FAT4: variants seen among roughly 807,000 people sequenced by gnomAD.
FAT4 encodes the protein protocadherin Fat 4.
In FAT4, 84 loss-of-function variants were observed where a neutral mutation model predicts 303.9. The observed-to-expected ratio is 0.28, with a 90% confidence interval of 0.23 to 0.33. The LOEUF is 0.33. FAT4 is among the 10% of genes least tolerant of loss of function. The pLI, the probability that FAT4 is intolerant of heterozygous loss-of-function variation, is 1.00. For missense variants in FAT4, 6,005 were observed against 6,146.8 expected, an observed-to-expected ratio of 0.98 and a Z score of 0.77; for synonymous variants, 2,307 against 2,298.8, an observed-to-expected ratio of 1.00 and a Z score of -0.10.
At chr4:125,371,000 T>C (rs1168661278) in intron 2 of FAT4, among the ~76,000 whole-genome samples, 1 of 151,762 alleles carries the variant, frequency 6.6e-6, no homozygotes, top group African/African-American at 2.4e-5. Flanking sequence ...ACAAAAAAAT[T>C]AGCCAGGCCT....
intron 7 of FAT4, among the ~76,000 whole-genome samples, chr4:125,428,095 C>T (rs967625649): frequency 6.6e-6 from 1 of 151,896 alleles, no homozygotes; most frequent in Non-Finnish European, 1.5e-5. Context: ...GTCAGGAGTT[C>T]GAGACTAGCC....
chr4:125,476,001 A>G (rs1029512580), intron 12 of FAT4, among the ~76,000 whole-genome samples, 170 bp from the exon 13 acceptor site: 1 of 152,200 alleles, frequency 6.6e-6, no homozygotes, highest in African/African-American at 2.4e-5. Flanking sequence ...TCAAAGAAAC[A>G]TGTGCCCATG....
At chr4:125,426,611 AT>A (rs1339347628) in intron 7 of FAT4, among the ~76,000 whole-genome samples, 1 of 152,074 alleles carries the variant, frequency 6.6e-6, no homozygotes, top group East Asian at 1.9e-4. Flanking sequence ...TCAGAAAAAA[AT>A]ATTTCTACAT....
chr4:125,333,615 A>T (rs771818897), intron 2 of FAT4, among the ~76,000 whole-genome samples: 1 of 152,284 alleles, frequency 6.6e-6, no homozygotes, highest in African/African-American at 2.4e-5. Flanking sequence ...TCACAGGAAA[A>T]ATCTAACTAG....
At chr4:125,479,629 C>T in intron 14 of FAT4, 112 bp from the exon 15 acceptor site, 2 of 1,067,082 alleles carry the variant, frequency 1.9e-6, no homozygotes, top group South Asian at 7.2e-5. Flanking sequence ...ACTTGAGCTT[C>T]AAATAATGGA....
chr4:125,431,329 T>C (rs1271464266), intron 7 of FAT4, among the ~76,000 whole-genome samples: 1 of 152,202 alleles, frequency 6.6e-6, no homozygotes, highest in Non-Finnish European at 1.5e-5. Context: ...TTACTATGTC[T>C]TCCATAAAGC....
chr4:125,432,235 G>A (rs1009734999), intron 7 of FAT4, among the ~76,000 whole-genome samples: 6 of 152,110 alleles, frequency 3.9e-5, no homozygotes, highest in African/African-American at 7.2e-5. Flanking sequence ...CTTCTTGTCA[G>A]TGGTAAAGAC....
intron 2 of FAT4, among the ~76,000 whole-genome samples, chr4:125,397,560 T>A (rs1479489255): frequency 6.6e-6 from 1 of 152,200 alleles, no homozygotes; most frequent in African/African-American, 2.4e-5. Flanking sequence ...ATTTGAGCCA[T>A]TTGTTTTATG....
intron 2 of FAT4, among the ~76,000 whole-genome samples, chr4:125,392,545 G>C (rs1734013351): frequency 6.6e-6 from 1 of 152,076 alleles, no homozygotes; most frequent in Non-Finnish European, 1.5e-5. Context: ...CGTTTTAATA[G>C]TAATCACTTT....
In FAT4 at chr4:125,491,927, G is replaced by C. The variant is rs1221006458; in HGVS notation, c.*159G>C. ...TAATAACCACAATGCTGCTGAAACA[G>C]ACTCACAACAACTCTTAATTTAAAC... On this transcript the variant is annotated 3_prime_UTR_variant, in exon 18 of 18. Transcript: ENST00000394329. 2 of 671,890 alleles carry C rather than the reference G, an allele frequency of 3.0e-6. No individual in the cohort carries two copies. Among genetic ancestry groups the C allele is most frequent in the Non-Finnish European group, 4.9e-6 (2 of 409,302 alleles). The allele number at this position is 671,890 out of a possible 1,614,324, so 41.6% of individuals were successfully genotyped here.
In FAT4 at chr4:125,449,788, T is replaced by C. The variant is rs2126058603; in HGVS notation, c.8778T>C (p.Thr2926=). 6.2e-7 allele frequency: 1 copy of C among 1,613,824 alleles called. No individual in the cohort carries two copies. The highest frequency in any genetic ancestry group is 8.5e-7 in the Non-Finnish European group (1 of 1,179,906). ...QSEYFRINAT[T]GEIFNKQILK... ...AATATTTCAGGATTAATGCCACCAC[T>C]GGAGAGATTTTCAATAAACAGATCT... The change falls in exon 10 of 18, where the codon ACT becomes ACC. Residue 2926 remains threonine, a synonymous_variant. Coordinates refer to ENST00000394329, the MANE Select transcript of FAT4 (RefSeq NM_001291303.3).
chr4:125,439,079 A>T (rs1725555361), intron 8 of FAT4, among the ~76,000 whole-genome samples: 1 of 152,192 alleles, frequency 6.6e-6, no homozygotes, highest in Non-Finnish European at 1.5e-5. Context: ...TTTATGTTAT[A>T]CATTTTACTT....
At chr4:125,386,006 C>T (rs2126002573) in intron 2 of FAT4, among the ~76,000 whole-genome samples, 1 of 152,110 alleles carries the variant, frequency 6.6e-6, no homozygotes, top group South Asian at 2.1e-4. Context: ...ATTTTTCCTT[C>T]TGTTAATTAG....
chr4:125,405,397 TTTTGG>T (rs967170114), intron 3 of FAT4, among the ~76,000 whole-genome samples: 37 of 152,228 alleles, frequency 2.4e-4, no homozygotes, highest in Admixed American at 2.0e-4. Flanking sequence ...CCAACACTTG[TTTTGG>T]TTTATTTGTT....
rs967118829 is a variant in FAT4 at position 125,319,278 on chromosome 4, A to G, written c.2867A>G (p.Asp956Gly). The change falls in exon 2 of 18, where the codon GAT becomes GGT. Residue 956 changes from aspartate (D) to glycine (G), a missense_variant. Transcript: ENST00000394329. ...ACTATTAGTCTGCTTGGGCCCCTGGATGTTCATGCTGGCTCCTACCAAATA... is the reference window on the plus strand; with the variant it reads ...ACTATTAGTCTGCTTGGGCCCCTGGGTGTTCATGCTGGCTCCTACCAAATA... ...NGTISLLGPL[D>G]VHAGSYQIEI... 1 of 1,613,994 alleles carries G rather than the reference A, an allele frequency of 6.2e-7. No homozygotes were observed. The highest frequency in any genetic ancestry group is 8.5e-7 in the Non-Finnish European group (1 of 1,180,018).
At chr4:125,393,272 G>GT (rs747049013) in intron 2 of FAT4, among the ~76,000 whole-genome samples, 1 of 152,134 alleles carries the variant, frequency 6.6e-6, no homozygotes, top group Non-Finnish European at 1.5e-5. Flanking sequence ...TTAAGAATAT[G>GT]TTTAGAATTG....
chr4:125,422,393 G>A (rs1350666768), intron 7 of FAT4, among the ~76,000 whole-genome samples: 1 of 152,180 alleles, frequency 6.6e-6, no homozygotes, highest in Non-Finnish European at 1.5e-5. Context: ...TAATCCCCAT[G>A]TGTCATGGGA....
intron 6 of FAT4, 68 bp from the exon 7 acceptor site, chr4:125,416,380 T>A: frequency 7.4e-7 from 1 of 1,345,676 alleles, no homozygotes; most frequent in East Asian, 2.3e-5. Flanking sequence ...TTTTTTTTAA[T>A]GGAGGCATTT....
chr4:125,487,005 T>G (rs1054620918), intron 16 of FAT4, among the ~76,000 whole-genome samples: 8 of 152,198 alleles, frequency 5.3e-5, no homozygotes, highest in African/African-American at 1.9e-4. Context: ...AATGGCAGGT[T>G]GTCATTGGAA....
Sources: gnomAD v4.1 joint callset for allele counts (sites outside exome capture counted in the v4.1 genomes callset) on GRCh38, gnomAD v4.1.1 for gene constraint, MANE v1.5 for transcripts, NCBI Gene and HGNC (gene_info 2026-07-23, HGNC 2026-07-21) for gene names.